ANO2: variants seen among roughly 807,000 people sequenced by gnomAD.
ANO2 encodes the protein anoctamin 2.
ANO2 carries 101 observed loss-of-function variants against 124.2 expected under a neutral mutation model. That is an observed-to-expected ratio of 0.81 (90% CI 0.69 to 0.96). The LOEUF (loss-of-function observed/expected upper bound fraction) is 0.96. Ranked by LOEUF, ANO2 falls within the 40% of genes least tolerant of loss-of-function variation. The pLI is 0.00. For synonymous variants in ANO2, 486 were observed against 482.5 expected (o/e 1.01, Z -0.09); for missense variants, 1,293 against 1,274.5 (o/e 1.01, Z -0.22).
intron 13 of ANO2, among the ~76,000 whole-genome samples, chr12:5,735,442 C>T (rs1950818859): frequency 6.6e-6 from 1 of 152,116 alleles, no homozygotes; most frequent in African/African-American, 2.4e-5. Context: ...ACCTGCTATA[C>T]TCTGAGCTCT....
chr12:5,785,072 T>C (rs1003849917), intron 10 of ANO2, among the ~76,000 whole-genome samples: 2 of 152,146 alleles, frequency 1.3e-5, no homozygotes, highest in Admixed American at 6.5e-5. Context: ...GCTCCACCCC[T>C]ACCCTGGACC....
At chr12:5,847,960 T>A (rs1954736346) in intron 4 of ANO2, among the ~76,000 whole-genome samples, 1 of 152,250 alleles carries the variant, frequency 6.6e-6, no homozygotes, top group Non-Finnish European at 1.5e-5. Context: ...AATTAAAGTG[T>A]CAGTGGCATT....
intron 14 of ANO2, among the ~76,000 whole-genome samples, chr12:5,680,206 T>C (rs544002888): frequency 8.5e-5 from 13 of 152,284 alleles, no homozygotes; most frequent in African/African-American, 3.1e-4. Flanking sequence ...TCCTAGCTGA[T>C]GGGATGATCT....
At chr12:5,744,002 T>C (rs928467602) in intron 12 of ANO2, among the ~76,000 whole-genome samples, 155 bp downstream of exon 12, 1 of 151,938 alleles carries the variant, frequency 6.6e-6, no homozygotes, top group Non-Finnish European at 1.5e-5. Flanking sequence ...CACATATGAG[T>C]AAAGAAAAGA....
intron 15 of ANO2, among the ~76,000 whole-genome samples, chr12:5,646,558 C>T (rs567084985): frequency 1.3e-5 from 2 of 152,120 alleles, no homozygotes; most frequent in South Asian, 4.1e-4. Flanking sequence ...TCGTTTGACT[C>T]ATTAAATATT....
In ANO2 at chr12:5,681,257, G is replaced by A. The variant is rs188521460; in HGVS notation, c.1546-33456C>T. ...ATCTGATTTCAAGGAAGTCACTTCC[G>A]CTATGTGGTCTCAGTGTTATCTTCT... On this transcript the variant is annotated intron_variant, in intron 14 of 24. Transcript: ENST00000682330. 2.6e-4 allele frequency among the ~76,000 whole-genome samples: 40 copies of A among 152,336 alleles called. No homozygotes were observed. In the East Asian group the frequency reaches 5.2e-3, roughly 20 times the overall value.
At chr12:5,828,278 C>A (rs1343816238) in intron 6 of ANO2, among the ~76,000 whole-genome samples, 2 of 152,080 alleles carry the variant, frequency 1.3e-5, no homozygotes. Flanking sequence ...CTCCCCCAGC[C>A]TGGAGCCCGG....
At chr12:5,577,147 G>A (rs1009957691) in intron 22 of ANO2, among the ~76,000 whole-genome samples, 1 of 152,228 alleles carries the variant, frequency 6.6e-6, no homozygotes, top group African/African-American at 2.4e-5. Context: ...TAAGCCTCGA[G>A]ATGTGCACTT....
rs576756953 is a variant in ANO2, at chr12:5,628,253, C to T, written c.1816+6899G>A. ...GACAGGCGGCTGCACTCACAGCTTG[C>T]CTCCCTGCTGTCCTCCCTGCCTGGG... On this transcript the variant is annotated intron_variant, in intron 16 of 24. Transcript: ENST00000682330. Among the ~76,000 whole-genome samples, 3 of 152,336 alleles carry T rather than the reference C, an allele frequency of 2.0e-5. No individual in the cohort carries two copies. In the South Asian group the frequency reaches 6.2e-4, roughly 32 times the overall value.
intron 7 of ANO2, among the ~76,000 whole-genome samples, chr12:5,826,558 C>T (rs567284658): frequency 3.3e-5 from 5 of 151,788 alleles, no homozygotes; most frequent in Admixed American, 6.6e-5. Context: ...TCATCAGCAC[C>T]GTGTTCCAGA....
intron 20 of ANO2, among the ~76,000 whole-genome samples, chr12:5,598,624 G>T (rs561969754): frequency 6.6e-6 from 1 of 152,300 alleles, no homozygotes; most frequent in South Asian, 2.1e-4. Context: ...CCAAAGTGCT[G>T]GGATGACAGG....
At chr12:5,805,683 T>G (rs551621002) in intron 9 of ANO2, among the ~76,000 whole-genome samples, 1 of 152,200 alleles carries the variant, frequency 6.6e-6, no homozygotes, top group Non-Finnish European at 1.5e-5. Context: ...TTCCTGTGGC[T>G]GTGTGATCTA....
chr12:5,563,257 T>A lies in ANO2; in HGVS notation c.*42A>T. 6.4e-7 allele frequency: 1 copy of A among 1,565,400 alleles called. No individual in the cohort carries two copies. Among genetic ancestry groups the A allele is most frequent in the Middle Eastern group, 2.3e-4 (1 of 4,420 alleles). On this transcript the variant is annotated 3_prime_UTR_variant, in exon 25 of 25. Transcript: ENST00000682330. ...AGGAACATGCTTACGTGCATGTGCG[T>A]GTCTCTGCTGCCGTGCCCTCCTCTG...
intron 10 of ANO2, among the ~76,000 whole-genome samples, chr12:5,756,570 A>G (rs1021010113): frequency 1.3e-5 from 2 of 152,218 alleles, no homozygotes; most frequent in African/African-American, 4.8e-5. Flanking sequence ...GTAAGCAGGC[A>G]GTGCCTGCGG....
intron 14 of ANO2, among the ~76,000 whole-genome samples, chr12:5,652,325 CT>C (rs1946952370): frequency 1.3e-5 from 2 of 152,034 alleles, no homozygotes; most frequent in Admixed American, 1.3e-4. Context: ...CCCATATACC[CT>C]GCACCCAGTT....
chr12:5,759,906 A>C (rs938814091), intron 10 of ANO2, among the ~76,000 whole-genome samples: 1 of 152,204 alleles, frequency 6.6e-6, no homozygotes, highest in African/African-American at 2.4e-5. Context: ...GAACTGTAAG[A>C]AATGTTAAAG....
At chr12:5,784,572 T>TCAGGCTTGGC (rs1952490443) in intron 10 of ANO2, among the ~76,000 whole-genome samples, 1 of 152,206 alleles carries the variant, frequency 6.6e-6, no homozygotes, top group South Asian at 2.1e-4. Flanking sequence ...CATCCTGAGC[T>TCAGGCTTGGC]CAGGCTTGGC....
chr12:5,745,887 T>C (rs1951252493), intron 11 of ANO2, among the ~76,000 whole-genome samples: 1 of 152,244 alleles, frequency 6.6e-6, no homozygotes, highest in African/African-American at 2.4e-5. Flanking sequence ...GCCCAGTTTA[T>C]GTCTTCTGGG....
At chr12:5,744,986 G>A (rs1367062357) in intron 11 of ANO2, among the ~76,000 whole-genome samples, 2 of 152,206 alleles carry the variant, frequency 1.3e-5, no homozygotes, top group Non-Finnish European at 2.9e-5. Context: ...GAAAGAGCAA[G>A]GCAAATTCTT....
Sources: gnomAD v4.1 joint callset for allele counts (sites outside exome capture counted in the v4.1 genomes callset) on GRCh38, gnomAD v4.1.1 for gene constraint, MANE v1.5 for transcripts, NCBI Gene and HGNC (gene_info 2026-07-23, HGNC 2026-07-21) for gene names.